The following DST variants were observed in gnomAD, a reference collection of about 807,000 sequenced individuals.
DST encodes bullous pemphigoid antigen.
A neutral mutation model predicts 875.2 loss-of-function variants in DST; 253 were observed. The ratio of observed to expected loss-of-function variants is 0.29; its 90% CI spans 0.26 to 0.32. The LOEUF is 0.32. Among genes scored for constraint, DST ranks in the 10% least tolerant of loss-of-function variants. The pLI, the probability that DST is intolerant of heterozygous loss-of-function variation, is 1.00. For synonymous variants in DST, 3,124 were observed against 3,197.1 expected (o/e 0.98, Z 0.77); for missense variants, 8,287 against 9,111.6 (o/e 0.91, Z 3.68).
chr6:56,743,590 TAGAG>T (rs948963250), intron 4 of DST, among the ~76,000 whole-genome samples: 1 of 152,062 alleles, frequency 6.6e-6, no homozygotes, highest in African/African-American at 2.4e-5. Context: ...AGCAAACACT[TAGAG>T]AGCACTTATT....
intron 49 of DST, among the ~76,000 whole-genome samples, chr6:56,587,705 C>T (rs1585780549): frequency 6.6e-6 from 1 of 152,148 alleles, no homozygotes; most frequent in East Asian, 1.9e-4. Context: ...AGACTAACAG[C>T]AGATCTCTCG....
At chr6:56,913,203 A>G (rs1391315665) in intron 2 of DST, among the ~76,000 whole-genome samples, 1 of 152,194 alleles carries the variant, frequency 6.6e-6, no homozygotes, top group Admixed American at 6.5e-5. Flanking sequence ...ATAAACAACA[A>G]TTATTTCTAC....
rs190343348 is a variant in DST, at chr6:56,714,020, C to T, written c.688-9651G>A. Reference sequence around the variant, plus strand: ...TGACAAAAGGAGAGGAACACTAAAACTATTTTTAAAGACACCCCCAGATGA... The same window carrying T: ...TGACAAAAGGAGAGGAACACTAAAATTATTTTTAAAGACACCCCCAGATGA... On this transcript the variant is annotated intron_variant, in intron 5 of 103. Transcript: ENST00000680361. This position sits in a 1 kb window ranked among gnomAD's most constrained non-coding sequence, Gnocchi z 4.5. Among the ~76,000 whole-genome samples, 158 of 152,262 alleles carry T rather than the reference C, an allele frequency of 1.0e-3. No individual in the cohort carries two copies. Among genetic ancestry groups the T allele is most frequent in the Non-Finnish European group, 1.7e-3 (115 of 68,022 alleles).
chr6:56,704,606 C>A (rs1388442386), intron 5 of DST, among the ~76,000 whole-genome samples: 1 of 152,100 alleles, frequency 6.6e-6, no homozygotes, highest in African/African-American at 2.4e-5. Context: ...TTTTAAGACA[C>A]CAGAACAAAC....
chr6:56,794,374 G>C (rs149492943), intron 4 of DST, among the ~76,000 whole-genome samples: 4 of 152,226 alleles, frequency 2.6e-5, no homozygotes, highest in African/African-American at 9.6e-5. Flanking sequence ...GACAGTAATG[G>C]AATCTGTGTT....
intron 49 of DST, among the ~76,000 whole-genome samples, chr6:56,585,573 G>GT (rs1284242435): frequency 1.3e-5 from 2 of 151,996 alleles, no homozygotes; most frequent in Non-Finnish European, 2.9e-5. Context: ...CTTTTGAAGG[G>GT]TTCTTTGTGT....
intron 4 of DST, among the ~76,000 whole-genome samples, chr6:56,763,724 C>CACAT (rs1434952060): frequency 2.9e-4 from 41 of 143,656 alleles, no homozygotes; most frequent in African/African-American, 8.9e-4. Flanking sequence ...CACACACACA[C>CACAT]ATATAGGGAT....
intron 2 of DST, among the ~76,000 whole-genome samples, chr6:56,953,005 G>A (rs376290318): frequency 4.6e-5 from 7 of 152,196 alleles, no homozygotes; most frequent in African/African-American, 1.4e-4. Flanking sequence ...GATAACTTCA[G>A]GTAAATGGAG....
Position 56,539,614 on chromosome 6 carries a change from G to A in DST, c.16609-2674C>T, listed in dbSNP as rs146645895. On this transcript the variant is annotated intron_variant, in intron 61 of 103. Coordinates refer to ENST00000680361, the MANE Select transcript of DST (RefSeq NM_001374736.1). ...AGTTTACCAGAAGAGTTTAGTAAAAGTACCAAAACAGCTGAACTTCAATCT... is the reference window on the plus strand; with the variant it reads ...AGTTTACCAGAAGAGTTTAGTAAAAATACCAAAACAGCTGAACTTCAATCT... Among the ~76,000 whole-genome samples, 31 of 152,210 alleles carry A rather than the reference G, an allele frequency of 2.0e-4. No individual in the cohort carries two copies. The East Asian group carries it at 5.0e-3, about 25-fold the overall frequency.
intron 4 of DST, among the ~76,000 whole-genome samples, chr6:56,847,924 C>G (rs2099808993): frequency 6.6e-6 from 1 of 152,224 alleles, no homozygotes; most frequent in East Asian, 1.9e-4. Context: ...TTAATGAGGG[C>G]ACCATACTGC....
At chr6:56,513,482 G>A (rs1389189720) in intron 72 of DST, among the ~76,000 whole-genome samples, 1 of 151,894 alleles carries the variant, frequency 6.6e-6, no homozygotes, top group Non-Finnish European at 1.5e-5. Context: ...CACCTGCCTC[G>A]GCCTCCCAAA....
At position 56,637,964 on chromosome 6, in the gene DST, T is replaced by G. The variant is rs1419998677; in HGVS notation, c.2964+1295A>C. Among the ~76,000 whole-genome samples, 3 of 152,118 alleles carry G rather than the reference T, an allele frequency of 2.0e-5. No homozygotes were observed. In the East Asian group the frequency reaches 5.8e-4, roughly 29 times the overall value. Reference sequence around the variant, plus strand: ...CTTTCAGTAAATTGGCTATAAAAGATGTATCATATTTTTTTCATATAAAAT... The same window carrying G: ...CTTTCAGTAAATTGGCTATAAAAGAGGTATCATATTTTTTTCATATAAAAT... On this transcript the variant is annotated intron_variant, in intron 22 of 103. Coordinates refer to ENST00000680361, the MANE Select transcript of DST (RefSeq NM_001374736.1).
chr6:56,716,956 C>T (rs1421288872), intron 5 of DST, among the ~76,000 whole-genome samples: 8 of 152,146 alleles, frequency 5.3e-5, no homozygotes, highest in Admixed American at 3.9e-4. Flanking sequence ...CCAAGGCGGG[C>T]GGATCACGAG....
Position 56,506,808 on chromosome 6 carries a change from A to G in DST, c.19240-19T>C. On this transcript the variant is annotated intron_variant, in intron 75 of 103. Coordinates refer to ENST00000680361, the MANE Select transcript of DST (RefSeq NM_001374736.1). ...TTATGGTCTAGAATAAGAAAATGAC[A>G]GCCTTAGAATTTTAAGCAAAACCAC... is the stretch of plus-strand genomic sequence containing the variant. The G allele has an allele frequency of 6.3e-7, 1 of 1,599,474 alleles. No homozygotes were observed. Among genetic ancestry groups the G allele is most frequent in the South Asian group, 1.1e-5 (1 of 87,484 alleles).
At position 56,485,374 on chromosome 6, in the gene DST, C is replaced by T. The variant is rs2095527477; in HGVS notation, c.21145G>A (p.Ala7049Thr). ...TCTCCATGAACAGGCTGGTCTTCTG[C>T]CAGCTGGGGTTCAACTCTATATAAC... Reference protein sequence around the residue: ...DWLYRVEPQLAEDQPVHGDID... With the variant: ...DWLYRVEPQLTEDQPVHGDID... Residue 7049 changes from alanine to threonine, a missense_variant, in exon 88 of 104, where the codon GCA (alanine) becomes ACA (threonine). Physicochemically the swap from Ala to Thr is moderately conservative, Grantham distance 58. Transcript: ENST00000680361. 1 of 1,613,842 alleles carries T rather than the reference C, an allele frequency of 6.2e-7. No individual in the cohort carries two copies. Among genetic ancestry groups the T allele is most frequent in the Non-Finnish European group, 8.5e-7 (1 of 1,179,824 alleles).
intron 50 of DST, among the ~76,000 whole-genome samples, chr6:56,575,218 G>A (rs1268246474): frequency 6.6e-6 from 1 of 152,128 alleles, no homozygotes; most frequent in Middle Eastern, 3.2e-3. Flanking sequence ...TGGGGGAGAG[G>A]GGTGGGAAGG....
intron 87 of DST, among the ~76,000 whole-genome samples, chr6:56,486,129 C>T (rs533974606): frequency 6.6e-6 from 1 of 151,896 alleles, no homozygotes. Context: ...TTTGGGAGGC[C>T]GAGGCGGGCG....
intron 9 of DST, among the ~76,000 whole-genome samples, chr6:56,673,492 G>T (rs537102059): frequency 1.3e-5 from 2 of 152,262 alleles, no homozygotes; most frequent in East Asian, 3.9e-4. Flanking sequence ...GTTAACTAGG[G>T]AAGTCAGTAA....
intron 4 of DST, among the ~76,000 whole-genome samples, chr6:56,771,927 A>G (rs954613358): frequency 2.0e-5 from 3 of 152,232 alleles, no homozygotes; most frequent in African/African-American, 7.2e-5. Context: ...GTCACTAGAC[A>G]TGTACTTTGG....
Sources: allele counts gnomAD v4.1 joint callset (sites outside exome capture counted in the v4.1 genomes callset), GRCh38; gene constraint gnomAD v4.1.1; non-coding constraint Gnocchi (gnomAD v3.1); transcripts MANE v1.5; gene names NCBI Gene and HGNC (gene_info 2026-07-23, HGNC 2026-07-21).